Variants in NRXN3 observed in about 807,000 individuals in gnomAD.
The protein encoded by NRXN3 is neurexin 3.
In NRXN3, 32 loss-of-function variants were observed where a neutral mutation model predicts 137.6. The ratio of observed to expected loss-of-function variants is 0.23; its 90% CI spans 0.18 to 0.31. The LOEUF (loss-of-function observed/expected upper bound fraction) is 0.31. Among genes scored for constraint, NRXN3 ranks in the 10% least tolerant of loss-of-function variants. The pLI, the probability that NRXN3 is intolerant of heterozygous loss-of-function variation, is 1.00. For synonymous variants in NRXN3, 798 were observed against 784.5 expected (o/e 1.02, Z -0.29); for missense variants, 1,574 against 2,062.5 (o/e 0.76, Z 4.59).
At chr14:79,093,247 A>G (rs904983097) in intron 15 of NRXN3, among the ~76,000 whole-genome samples, 4 of 152,170 alleles carry the variant, frequency 2.6e-5, no homozygotes, top group Admixed American at 2.6e-4. Context: ...ACAAGAAGAC[A>G]TCTAATTGGA....
intron 4 of NRXN3, among the ~76,000 whole-genome samples, chr14:78,314,628 G>T (rs937064567): frequency 5.3e-5 from 8 of 152,190 alleles, no homozygotes; most frequent in African/African-American, 1.9e-4. Context: ...AGGAGATTGG[G>T]AAATGCAATT....
chr14:79,281,637 T>G (rs2081292715), intron 15 of NRXN3: 1 of 152,020 alleles, frequency 6.6e-6, no homozygotes, highest in Admixed American at 6.5e-5. Context: ...TTGATTGAAC[T>G]GTTATAAAGT....
intron 8 of NRXN3, among the ~76,000 whole-genome samples, chr14:78,802,943 C>G (rs1402163720): frequency 6.6e-6 from 1 of 151,684 alleles, no homozygotes; most frequent in Non-Finnish European, 1.5e-5. Flanking sequence ...GAGACTGTCT[C>G]AAAAAAATAA....
chr14:79,295,041 A>G (rs1437839772), intron 15 of NRXN3, among the ~76,000 whole-genome samples: 2 of 152,088 alleles, frequency 1.3e-5, no homozygotes, highest in African/African-American at 2.4e-5. Flanking sequence ...CCGCTCTTCC[A>G]TGGGCTCTTC....
Position 78,305,359 on chromosome 14 carries a change from A to G in NRXN3, c.757+7499A>G, listed in dbSNP as rs1490540357. ...TTCCTTTTGCTCTACAGAGTTTTGT[A>G]TTCACTGGATTGCCTGGTGTTGACC... On this transcript the variant is annotated intron_variant, in intron 4 of 20. Coordinates refer to ENST00000335750, the MANE Select transcript of NRXN3 (RefSeq NM_001330195.2). Among the ~76,000 whole-genome samples, 3 of 152,082 alleles carry G rather than the reference A, an allele frequency of 2.0e-5. No individual in the cohort carries two copies. The East Asian group carries it at 5.8e-4, about 29-fold the overall frequency.
chr14:78,523,813 T>G, intron 4 of NRXN3, among the ~76,000 whole-genome samples: 1 of 42,220 alleles, frequency 2.4e-5, no homozygotes, highest in African/African-American at 1.2e-4. Context: ...CAAGACTCTG[T>G]CTCAAAAAAA....
chr14:78,468,468 TG>T (rs2095178992), intron 4 of NRXN3, among the ~76,000 whole-genome samples: 1 of 152,260 alleles, frequency 6.6e-6, no homozygotes, highest in South Asian at 2.1e-4. Flanking sequence ...AGCAGAGGCT[TG>T]TTTTTAGGGT....
chr14:79,832,493 A>C (rs1415327830), intron 20 of NRXN3, among the ~76,000 whole-genome samples: 1 of 152,072 alleles, frequency 6.6e-6, no homozygotes, highest in African/African-American at 2.4e-5. Flanking sequence ...AACTAAGGGG[A>C]CTTTTGTCCC....
At chr14:79,487,175 G>A (rs971770874) in intron 16 of NRXN3, among the ~76,000 whole-genome samples, 6 of 152,100 alleles carry the variant, frequency 3.9e-5, no homozygotes, top group African/African-American at 1.4e-4. Flanking sequence ...GTTGATGTGA[G>A]CATTAAATGA....
intron 4 of NRXN3, among the ~76,000 whole-genome samples, chr14:78,340,747 A>G (rs370724437): frequency 2.0e-5 from 3 of 152,290 alleles, no homozygotes; most frequent in African/African-American, 7.2e-5. Context: ...ACACAGCATC[A>G]CTTAAGCCCA....
chr14:78,708,501 A>G (rs987211502), intron 6 of NRXN3: 5 of 137,796 alleles, frequency 3.6e-5, no homozygotes, highest in African/African-American at 1.3e-4. Context: ...TTCAAGTAAT[A>G]TATCCACATG....
chr14:78,350,703 A>C (rs931949284), intron 4 of NRXN3, among the ~76,000 whole-genome samples: 3 of 152,190 alleles, frequency 2.0e-5, no homozygotes, highest in African/African-American at 7.2e-5. Context: ...TAGAGGTGGA[A>C]ACATGAGGCA....
chr14:79,686,550 T>C (rs957084562), intron 17 of NRXN3, among the ~76,000 whole-genome samples: 1 of 152,164 alleles, frequency 6.6e-6, no homozygotes, highest in Non-Finnish European at 1.5e-5. Flanking sequence ...GCCTGAGTTA[T>C]TGCATTTAAT....
At chr14:79,045,586 C>A (rs763266945) in intron 15 of NRXN3, among the ~76,000 whole-genome samples, 1 of 152,050 alleles carries the variant, frequency 6.6e-6, no homozygotes, top group Non-Finnish European at 1.5e-5. Context: ...AATGAGAAGA[C>A]CTCACCCACT....
At chr14:79,261,944 G>A (rs1036196947) in intron 15 of NRXN3, among the ~76,000 whole-genome samples, 1 of 151,978 alleles carries the variant, frequency 6.6e-6, no homozygotes, top group Non-Finnish European at 1.5e-5. Flanking sequence ...CCTATTGTAT[G>A]ACTCTCAGAT....
chr14:79,468,024 GA>G (rs1163505405), intron 16 of NRXN3, among the ~76,000 whole-genome samples: 1 of 152,198 alleles, frequency 6.6e-6, no homozygotes, highest in Non-Finnish European at 1.5e-5. Flanking sequence ...ATAAATGTGT[GA>G]TAAAAACTGA....
chr14:79,479,720 C>T (rs2096590267), intron 16 of NRXN3, among the ~76,000 whole-genome samples: 1 of 151,914 alleles, frequency 6.6e-6, no homozygotes, highest in South Asian at 2.1e-4. Flanking sequence ...ACATTTTTTG[C>T]TTCCCAGTAT....
chr14:78,484,436 G>A (rs2095529104), intron 4 of NRXN3, among the ~76,000 whole-genome samples: 1 of 152,196 alleles, frequency 6.6e-6, no homozygotes, highest in Admixed American at 6.5e-5. Context: ...CAGGAAGTAT[G>A]AATTGTGCTC....
At chr14:79,806,730 T>C (rs1286498860) in intron 20 of NRXN3, among the ~76,000 whole-genome samples, 1 of 151,012 alleles carries the variant, frequency 6.6e-6, no homozygotes, top group Non-Finnish European at 1.5e-5. Flanking sequence ...TTTTTTTTTT[T>C]TAAGAAATTA....
Sources: allele counts gnomAD v4.1 joint callset (sites outside exome capture counted in the v4.1 genomes callset), GRCh38; gene constraint gnomAD v4.1.1; transcripts MANE v1.5; gene names NCBI Gene and HGNC (gene_info 2026-07-23, HGNC 2026-07-21).